Variants in AAK1 observed in about 807,000 individuals in gnomAD.
AAK1 encodes AP2 associated kinase 1, also known as AP2-associated protein kinase 1.
AAK1 carries 37 observed loss-of-function variants against 116.0 expected under a neutral mutation model. The ratio of observed to expected loss-of-function variants is 0.32; its 90% CI spans 0.25 to 0.42. The LOEUF (loss-of-function observed/expected upper bound fraction) is 0.42, where lower values mean the gene tolerates loss of function less well. AAK1 is among the 10% of genes least tolerant of loss of function. The probability of loss-of-function intolerance (pLI) is 1.00; values close to 1 mark genes in which losing one functional copy is unlikely to be tolerated. For missense variants in AAK1, 919 were observed against 1,170.6 expected, an observed-to-expected ratio of 0.79 and a Z score of 3.14; for synonymous variants, 458 against 439.9, an observed-to-expected ratio of 1.04 and a Z score of -0.51.
Position 69,643,732 on chromosome 2 carries a change from C to T in AAK1, c.-392G>A, listed in dbSNP as rs1479253365. On this transcript the variant is annotated 5_prime_UTR_variant, in exon 1 of 22. Coordinates refer to ENST00000409085, the MANE Select transcript of AAK1 (RefSeq NM_014911.5). ...GCCAGCTGATCCCGGGAGCGCCGGG[C>T]GGAGACTGACCCGCCGCCCCTCCCC... 5.8e-6 allele frequency: 7 copies of T among 1,209,444 alleles called. No individual in the cohort carries two copies. Among genetic ancestry groups the T allele is most frequent in the African/African-American group, 3.2e-5 (2 of 63,460 alleles). 74.9% of individuals were successfully genotyped at this position (1,209,444 alleles called of 1,614,324 possible).
chr2:69,591,706 G>A (rs1171874388), intron 2 of AAK1, among the ~76,000 whole-genome samples: 1 of 151,688 alleles, frequency 6.6e-6, no homozygotes, highest in African/African-American at 2.4e-5. Context: ...GAGTAGCTGG[G>A]ATTACAGGTG....
Position 69,469,789 on chromosome 2 carries a change from C to G in AAK1, c.*6080G>C. ...AAATTAAGCAAGAAGTCAAAACATACTTCTTTTTCTTGCTCTGATGTAGGA... is the reference window on the plus strand; with the variant it reads ...AAATTAAGCAAGAAGTCAAAACATAGTTCTTTTTCTTGCTCTGATGTAGGA... On this transcript the variant is annotated 3_prime_UTR_variant, in exon 22 of 22. Transcript: ENST00000409085. 1 of 985,432 alleles carries G rather than the reference C, an allele frequency of 1.0e-6. No individual in the cohort carries two copies. Among genetic ancestry groups the G allele is most frequent in the Non-Finnish European group, 1.2e-6 (1 of 829,922 alleles). 61.0% of individuals were successfully genotyped at this position (985,432 alleles called of 1,614,324 possible).
At chr2:69,564,860 C>G (rs968162386) in intron 2 of AAK1, among the ~76,000 whole-genome samples, 1 of 152,138 alleles carries the variant, frequency 6.6e-6, no homozygotes, top group Non-Finnish European at 1.5e-5. Flanking sequence ...ACTCCTACCT[C>G]AAAGCTTTGG....
intron 2 of AAK1, among the ~76,000 whole-genome samples, chr2:69,563,666 C>T (rs1671741670): frequency 2.0e-5 from 3 of 152,192 alleles, no homozygotes; most frequent in Non-Finnish European, 2.9e-5. Flanking sequence ...TTCTGCTCTT[C>T]GTTTTCCAAT....
chr2:69,479,031 T>C lies in AAK1; in HGVS notation c.2600A>G (p.Asp867Gly). 1 of 1,613,786 alleles carries C rather than the reference T, an allele frequency of 6.2e-7. No homozygotes were observed. Among genetic ancestry groups the C allele is most frequent in the Non-Finnish European group, 8.5e-7 (1 of 1,179,764 alleles). Residue 867 changes from aspartate (D) to glycine (G), a missense_variant, in exon 20 of 22, where the codon GAT becomes GGT. By Grantham distance (94) the Asp-to-Gly change is moderately conservative (BLOSUM62 -1). Transcript: ENST00000409085. ...DSLTGEDSLL[D>G]CSLLSNPTTD... is the part of the protein sequence containing the mutation. ...AGTAGGGTTAGAGAGCAGAGAGCAA[T>C]CAAGCAGGGAATCTTCCCCGGTGAG...
At chr2:69,484,744 G>A (rs1305718242) in intron 17 of AAK1, among the ~76,000 whole-genome samples, 1 of 151,976 alleles carries the variant, frequency 6.6e-6, no homozygotes, top group Non-Finnish European at 1.5e-5. Flanking sequence ...GCGTGGTGGC[G>A]CATGCCTGAA....
In AAK1 at chr2:69,543,344, A is replaced by G. The variant is rs1212808161; in HGVS notation, c.392-679T>C. 2.0e-5 allele frequency among the ~76,000 whole-genome samples: 3 copies of G among 152,210 alleles called. No homozygotes were observed. In the East Asian group the frequency reaches 5.8e-4, roughly 29 times the overall value. On this transcript the variant is annotated intron_variant, in intron 4 of 21. Transcript: ENST00000409085. ...AGGAAATCAGGTAAATAGTTAATAC[A>G]GTAAGGGCTAAAATTACTGGTTAAC...
rs181088349 is a variant in AAK1, at chr2:69,636,802, C to A, written c.163+6076G>T. On this transcript the variant is annotated intron_variant, in intron 2 of 21. Transcript: ENST00000409085. ...GCAACCTCTGCCTCCCGGATTCAAG[C>A]GATTCTGCTGCCTTAGCCTCCCAAG... Among the ~76,000 whole-genome samples, 1,453 of 151,916 alleles carry A rather than the reference C, an allele frequency of 9.6e-3. 16 individuals are homozygous for A. The highest frequency in any genetic ancestry group is 0.017 in the Non-Finnish European group (1,143 of 67,964).
chr2:69,623,198 T>A (rs1391035598), intron 2 of AAK1, among the ~76,000 whole-genome samples: 1 of 152,026 alleles, frequency 6.6e-6, no homozygotes, highest in Non-Finnish European at 1.5e-5. Context: ...GAAGAAACTC[T>A]GAACACATCC....
chr2:69,578,040 C>A (rs551617805), intron 2 of AAK1, among the ~76,000 whole-genome samples: 1 of 152,224 alleles, frequency 6.6e-6, no homozygotes, highest in South Asian at 2.1e-4. Flanking sequence ...CATTCTCCAC[C>A]CCCTTCCCTC....
chr2:69,470,290 G>A lies in AAK1; in HGVS notation c.*5579C>T, dbSNP rs1345741889. On this transcript the variant is annotated 3_prime_UTR_variant, in exon 22 of 22. Coordinates refer to ENST00000409085, the MANE Select transcript of AAK1 (RefSeq NM_014911.5). ...CTCACATATAGTTAGTAAACAGAAA[G>A]CAAAATATCCCTTCACAAGAACTTG... is the stretch of plus-strand genomic sequence containing the variant. 2 of 985,262 alleles carry A rather than the reference G, an allele frequency of 2.0e-6. No homozygotes were observed. The highest frequency in any genetic ancestry group is 2.3e-4 in the East Asian group (2 of 8,832). 61.0% of individuals were successfully genotyped at this position (985,262 alleles called of 1,614,324 possible).
rs1383804606 is a variant in AAK1 at position 69,458,070 on chromosome 2, T to C, written c.*17799A>G. On this transcript the variant is annotated 3_prime_UTR_variant, in exon 22 of 22. Transcript: ENST00000409085. ...AAAACAATTCATAAAACCTATCAGA[T>C]ACATACGATAAATCACACCGAGAGT... 1 of 152,198 alleles carries C rather than the reference T, an allele frequency of 6.6e-6. No individual in the cohort carries two copies. Among genetic ancestry groups the C allele is most frequent in the Non-Finnish European group, 1.5e-5 (1 of 68,034 alleles). The allele number at this position is 152,198 out of a possible 1,614,324, so 9.4% of individuals were successfully genotyped here.
At chr2:69,547,925 C>T (rs1234066904) in intron 3 of AAK1, among the ~76,000 whole-genome samples, 1 of 152,126 alleles carries the variant, frequency 6.6e-6, no homozygotes, top group Non-Finnish European at 1.5e-5. Flanking sequence ...AATATTGATA[C>T]ATGCTATGAC....
intron 12 of AAK1, 81 bp from the exon 13 acceptor site, chr2:69,514,830 G>C: frequency 6.9e-7 from 1 of 1,440,408 alleles, no homozygotes; most frequent in Non-Finnish European, 9.2e-7. Context: ...AAACAATGAA[G>C]ACCAGTGCTA....
chr2:69,603,503 C>A (rs1673670023), intron 2 of AAK1, among the ~76,000 whole-genome samples: 3 of 152,186 alleles, frequency 2.0e-5, no homozygotes, highest in Admixed American at 2.0e-4. Context: ...GATCTTCCCC[C>A]TCCTGCCTAA....
chr2:69,486,390 C>T (rs1238356178), intron 17 of AAK1, among the ~76,000 whole-genome samples: 1 of 152,186 alleles, frequency 6.6e-6, no homozygotes, highest in African/African-American at 2.4e-5. Context: ...GGCTTATTTT[C>T]TGACCAAACC....
chr2:69,568,866 A>G (rs1671983628), intron 2 of AAK1, among the ~76,000 whole-genome samples: 1 of 152,102 alleles, frequency 6.6e-6, no homozygotes, highest in Non-Finnish European at 1.5e-5. Context: ...TGACCACACA[A>G]CTGTCATCCA....
At chr2:69,558,803 C>A (rs955120615) in intron 2 of AAK1, among the ~76,000 whole-genome samples, 7 of 152,274 alleles carry the variant, frequency 4.6e-5, no homozygotes, top group Non-Finnish European at 1.0e-4. Context: ...GATCTTAGGC[C>A]TCTGAGAAAT....
chr2:69,483,333 T>C (rs1359511741), intron 17 of AAK1, among the ~76,000 whole-genome samples: 1 of 152,168 alleles, frequency 6.6e-6, no homozygotes, highest in African/African-American at 2.4e-5. Context: ...ATGTAGTCTT[T>C]TGTGTGTGGT....
Sources: allele counts gnomAD v4.1 joint callset (sites outside exome capture counted in the v4.1 genomes callset), GRCh38; gene constraint gnomAD v4.1.1; transcripts MANE v1.5; gene names NCBI Gene and HGNC (gene_info 2026-07-23, HGNC 2026-07-21).